MICAL3: variants seen among roughly 807,000 people sequenced by gnomAD.
MICAL3 encodes microtubule associated monooxygenase, calponin and LIM domain containing 3, also known as [F-actin]-monooxygenase MICAL3.
In MICAL3, 62 loss-of-function variants were observed where a neutral mutation model predicts 207.4. The ratio of observed to expected loss-of-function variants is 0.30; its 90% CI spans 0.24 to 0.37. The LOEUF (loss-of-function observed/expected upper bound fraction) is 0.37, where lower values mean the gene tolerates loss of function less well. Ranked by LOEUF, MICAL3 falls within the 10% of genes least tolerant of loss-of-function variation. The probability of loss-of-function intolerance (pLI) is 1.00; values close to 1 mark genes in which losing one functional copy is unlikely to be tolerated. For synonymous variants in MICAL3, 1,077 were observed against 1,069.3 expected (o/e 1.01, Z -0.14); for missense variants, 2,368 against 2,635.6 (o/e 0.90, Z 2.22).
At chr22:17,872,075 C>T in intron 16 of MICAL3, 52 bp from the exon 17 acceptor site, 1 of 1,487,740 alleles carries the variant, frequency 6.7e-7, no homozygotes. Context: ...GAGTGCCACA[C>T]AGGCCCTCCT....
At chr22:17,805,630 G>A (rs1050795033) in intron 29 of MICAL3, among the ~76,000 whole-genome samples, 7 of 152,200 alleles carry the variant, frequency 4.6e-5, no homozygotes, top group African/African-American at 1.7e-4. Context: ...GGAACCCTAA[G>A]GTTCTTCCAA....
chr22:17,905,103 G>A (rs1473648964), intron 2 of MICAL3, among the ~76,000 whole-genome samples: 1 of 152,192 alleles, frequency 6.6e-6, no homozygotes, highest in Non-Finnish European at 1.5e-5. Flanking sequence ...TGGACAGCCT[G>A]GAAGGCCCTT....
chr22:17,847,945 G>A (rs928286438), intron 19 of MICAL3, among the ~76,000 whole-genome samples: 5 of 152,100 alleles, frequency 3.3e-5, no homozygotes, highest in Non-Finnish European at 5.9e-5. Flanking sequence ...GATTATAGGC[G>A]TGAGCCACCA....
chr22:17,904,733 T>C lies in MICAL3; in HGVS notation c.371A>G (p.Asn124Ser). 1.9e-6 allele frequency: 3 copies of C among 1,613,976 alleles called. No individual in the cohort carries two copies. Among genetic ancestry groups the C allele is most frequent in the Non-Finnish European group, 2.5e-6 (3 of 1,179,832 alleles). Residue 124 changes from asparagine (N) to serine (S), a missense_variant, in exon 3 of 32, where the codon AAC becomes AGC. Asn to Ser is a conservative substitution (Grantham distance 46). This residue lies in a region of MICAL3 where 400 missense variants were observed against 547.0 expected (regional missense o/e 0.73). Transcript: ENST00000441493. ...GAATGGCCAGAGATGCAAGACGTTG[T>C]TGCGGGAGAAGGCATCTCGTTTCTC... The part of the protein sequence containing the change: ...VIEKRDAFSR[N>S]NVLHLWPFTI...
chr22:17,862,982 GT>G, intron 19 of MICAL3: 3 of 985,386 alleles, frequency 3.0e-6, no homozygotes, highest in Non-Finnish European at 3.6e-6. Context: ...GGACAGAGAC[GT>G]CCTCAGGGCT....
chr22:18,005,192 C>T (rs954129162), intron 1 of MICAL3: 8 of 152,324 alleles, frequency 5.3e-5, no homozygotes, highest in African/African-American at 1.7e-4. Context: ...GCCTCGACTT[C>T]CTAAAGTGCT....
intron 1 of MICAL3, among the ~76,000 whole-genome samples, chr22:18,018,484 G>A (rs1924215350): frequency 6.6e-6 from 1 of 152,098 alleles, no homozygotes. Context: ...AGCACTTTGG[G>A]AGGCCAAGGC....
chr22:17,993,656 C>T (rs560057160), intron 1 of MICAL3, among the ~76,000 whole-genome samples: 26 of 152,148 alleles, frequency 1.7e-4, no homozygotes, highest in Middle Eastern at 3.4e-3. Flanking sequence ...CCCCCCTGCG[C>T]CCACACTCTC....
intron 1 of MICAL3, among the ~76,000 whole-genome samples, chr22:17,942,084 C>T (rs1311355750): frequency 6.6e-6 from 1 of 152,222 alleles, no homozygotes; most frequent in Non-Finnish European, 1.5e-5. Context: ...CTTGCCTAAT[C>T]TCGGAGCGTG....
chr22:17,841,339 A>C lies in MICAL3; in HGVS notation c.2801+483T>G. On this transcript the variant is annotated intron_variant, in intron 20 of 31. Transcript: ENST00000441493. The surrounding 1 kb of genome is among the most constrained non-coding windows in gnomAD (Gnocchi z 4.2). The stretch of plus-strand genomic sequence containing the variant: ...GTGATTACAGCTCTGGAACTGCCTA[A>C]GCATGCATCCACTGGTGCTGCATGC... 4.7e-6 allele frequency: 1 copy of C among 214,100 alleles called. No homozygotes were observed. Among genetic ancestry groups the C allele is most frequent in the Non-Finnish European group, 9.5e-6 (1 of 105,454 alleles). The allele number at this position is 214,100 out of a possible 1,614,324, so 13.3% of individuals were successfully genotyped here.
chr22:17,885,841 A>G, intron 16 of MICAL3, 37 bp downstream of exon 16: 1 of 1,605,018 alleles, frequency 6.2e-7, no homozygotes. Flanking sequence ...GTGTGATCTG[A>G]CCAAATCGGT....
In MICAL3 at chr22:17,896,874, C is replaced by A. The variant is rs61739477; in HGVS notation, c.1056G>T (p.Pro352=). 3.1e-6 allele frequency: 5 copies of A among 1,614,120 alleles called. No individual in the cohort carries two copies. The South Asian group carries it at 4.4e-5, about 14-fold the overall frequency. ...AADFSTQQQL[P]SLDFAINHYG... The stretch of plus-strand genomic sequence containing the variant: ...AGTGATTGATGGCAAAATCCAGAGA[C>A]GGCAGCTGCTGCTGGGTAGAGAAGT... The change falls in exon 8 of 32, where the codon CCG becomes CCT. Residue 352 remains proline (P), a synonymous_variant. Coordinates refer to ENST00000441493, the MANE Select transcript of MICAL3 (RefSeq NM_015241.3).
intron 29 of MICAL3, 123 bp from the exon 30 acceptor site, chr22:17,791,424 G>T: frequency 1.2e-6 from 1 of 844,086 alleles, no homozygotes; most frequent in South Asian, 1.6e-5. Flanking sequence ...CCACTCCCAA[G>T]CCAGGCCCAA....
At position 17,896,745 on chromosome 22, in the gene MICAL3, C is replaced by G; in HGVS notation, c.1185G>C (p.Leu395=). 6.2e-7 allele frequency: 1 copy of G among 1,613,844 alleles called. No homozygotes were observed. Among genetic ancestry groups the G allele is most frequent in the Non-Finnish European group, 8.5e-7 (1 of 1,179,872 alleles). ...TCACCTCTAGGAGGCTGTCCCCGACCAGAGCCACTAGTAACTGGTGTCCGT... is the reference window on the plus strand; with the variant it reads ...TCACCTCTAGGAGGCTGTCCCCGACGAGAGCCACTAGTAACTGGTGTCCGT... ...EQNGHQLLVA[L]VGDSLLEPFW... is the part of the protein sequence containing the mutation. Residue 395 remains leucine (L), a synonymous_variant, in exon 8 of 32, where the codon CTG becomes CTC. Coordinates refer to ENST00000441493, the MANE Select transcript of MICAL3 (RefSeq NM_015241.3).
intron 1 of MICAL3, among the ~76,000 whole-genome samples, chr22:17,960,893 C>T (rs1934880421): frequency 1.3e-5 from 2 of 152,180 alleles, no homozygotes; most frequent in Admixed American, 1.3e-4. Flanking sequence ...AGAGCACGAG[C>T]TCAGCAGGAG....
chr22:17,969,862 T>C (rs1006263457), intron 1 of MICAL3, among the ~76,000 whole-genome samples: 1 of 152,218 alleles, frequency 6.6e-6, no homozygotes. Flanking sequence ...TCTCCCTGTG[T>C]GCTGGGATGC....
At position 17,841,725 on chromosome 22, in the gene MICAL3, A is replaced by C. The variant is rs1924028366; in HGVS notation, c.2801+97T>G. 7.9e-7 allele frequency: 1 copy of C among 1,263,864 alleles called. No individual in the cohort carries two copies. The allele number at this position is 1,263,864 out of a possible 1,614,324, so 78.3% of individuals were successfully genotyped here. On this transcript the variant is annotated intron_variant, in intron 20 of 31. Transcript: ENST00000441493. This position sits in a 1 kb window ranked among gnomAD's most constrained non-coding sequence, Gnocchi z 4.2. ...GACTGCGGGCAGCAGGAAAGACAGG[A>C]GGCCTCCCTTCACTGAGAAGAAACC...
intron 1 of MICAL3, among the ~76,000 whole-genome samples, chr22:17,992,429 C>T (rs1454524923): frequency 6.6e-6 from 1 of 152,212 alleles, no homozygotes; most frequent in Non-Finnish European, 1.5e-5. Flanking sequence ...TCCAGGGCTT[C>T]CTGGCCAGTT....
intron 24 of MICAL3, 27 bp from the exon 25 acceptor site, chr22:17,821,536 C>T (rs922502653): frequency 3.3e-6 from 5 of 1,523,764 alleles, no homozygotes; most frequent in Non-Finnish European, 4.4e-6. Flanking sequence ...CAGGGACTTA[C>T]AAGAGGAAGC....
Sources: allele counts gnomAD v4.1 joint callset (sites outside exome capture counted in the v4.1 genomes callset), GRCh38; gene constraint gnomAD v4.1.1; regional missense constraint gnomAD v4.1.1; non-coding constraint Gnocchi (gnomAD v3.1); transcripts MANE v1.5; gene names NCBI Gene and HGNC (gene_info 2026-07-23, HGNC 2026-07-21).